CTNNA2: variants seen among roughly 807,000 people sequenced by gnomAD.
CTNNA2 encodes the protein catenin alpha 2.
In CTNNA2, 42 loss-of-function variants were observed where a neutral mutation model predicts 101.0. The observed-to-expected ratio is 0.42, with a 90% CI of 0.32 to 0.54. The LOEUF (loss-of-function observed/expected upper bound fraction) is 0.54. Among genes scored for constraint, CTNNA2 ranks in the 20% least tolerant of loss-of-function variants. The probability of loss-of-function intolerance (pLI) is 0.14; values close to 1 mark genes in which losing one functional copy is unlikely to be tolerated. For synonymous variants in CTNNA2, 450 were observed against 456.4 expected (o/e 0.99, Z 0.18); for missense variants, 871 against 1,223.1 (o/e 0.71, Z 4.29).
chr2:80,581,406 G>C (rs905352952), intron 13 of CTNNA2, among the ~76,000 whole-genome samples: 8 of 152,058 alleles, frequency 5.3e-5, no homozygotes, highest in Admixed American at 1.3e-4. Flanking sequence ...CAATAGATTT[G>C]GATGGGTGGA....
intron 16 of CTNNA2, among the ~76,000 whole-genome samples, chr2:80,606,402 A>C (rs1558638112): frequency 1.6e-5 from 2 of 121,802 alleles, no homozygotes; most frequent in East Asian, 2.5e-4. Context: ...ACACACACAC[A>C]CACACACACA....
At chr2:79,686,938 C>T (rs1183911991) in intron 2 of CTNNA2, among the ~76,000 whole-genome samples, 1 of 152,154 alleles carries the variant, frequency 6.6e-6, no homozygotes, top group Non-Finnish European at 1.5e-5. Context: ...AGAATGGTTG[C>T]ACCCAGTGGA....
At chr2:80,477,575 C>G (rs551704234) in intron 9 of CTNNA2, among the ~76,000 whole-genome samples, 60 of 152,186 alleles carry the variant, frequency 3.9e-4, no homozygotes, top group Non-Finnish European at 6.3e-4. Flanking sequence ...ATCCCCATAG[C>G]TCAGCTCCCA....
intron 3 of CTNNA2, among the ~76,000 whole-genome samples, chr2:79,335,031 C>A (rs1250020802): frequency 6.6e-6 from 1 of 152,154 alleles, no homozygotes; most frequent in Non-Finnish European, 1.5e-5. Context: ...CACACCCATT[C>A]AGGAATTAAT....
chr2:79,236,647 A>G (rs1450575510), intron 2 of CTNNA2, among the ~76,000 whole-genome samples: 2 of 152,228 alleles, frequency 1.3e-5, no homozygotes, highest in Non-Finnish European at 2.9e-5. Flanking sequence ...AAACCCTGAC[A>G]CTATTTTATC....
intron 9 of CTNNA2, among the ~76,000 whole-genome samples, chr2:80,517,068 C>T (rs2149564859): frequency 6.6e-6 from 1 of 152,220 alleles, no homozygotes; most frequent in South Asian, 2.1e-4. Context: ...CAACTTGGTG[C>T]TGCACAGAAA....
At chr2:79,768,941 A>G (rs112924349) in intron 3 of CTNNA2, among the ~76,000 whole-genome samples, 19,935 of 151,486 alleles carry the variant, frequency 0.13, 1,375 homozygotes, top group Admixed American at 0.18. Context: ...TGCAAGCTCC[A>G]CCTCCCGGGT....
chr2:79,187,672 A>G (rs905368433), intron 1 of CTNNA2, among the ~76,000 whole-genome samples: 7 of 152,206 alleles, frequency 4.6e-5, no homozygotes, highest in African/African-American at 1.7e-4. Context: ...CACCAGAATC[A>G]TTGTAGCAAA....
chr2:79,468,872 T>C (rs1212431723), intron 4 of CTNNA2, among the ~76,000 whole-genome samples: 2 of 152,146 alleles, frequency 1.3e-5, no homozygotes, highest in Non-Finnish European at 2.9e-5. Flanking sequence ...TGGGACGCAT[T>C]GAAAGCAGTG....
At chr2:80,029,489 T>G (rs1695147643) in intron 7 of CTNNA2, 1 of 152,130 alleles carries the variant, frequency 6.6e-6, no homozygotes, top group Non-Finnish European at 1.5e-5. Context: ...AAAGAGAACC[T>G]TAGGTCATTT....
At chr2:79,226,049 A>T (rs192940676) in intron 2 of CTNNA2, among the ~76,000 whole-genome samples, 9 of 152,186 alleles carry the variant, frequency 5.9e-5, no homozygotes, top group African/African-American at 2.2e-4. Context: ...CCAAAGTCTT[A>T]CTCATGTTTT....
rs148937966 is a variant in CTNNA2 at position 79,972,549 on chromosome 2, A to G, written c.1056+62752A>G. ...CAAGACAGGGAAAAGACACTCAAAC[A>G]CATGCACGTCTTTACGTCTAGGTGC... On this transcript the variant is annotated intron_variant, in intron 7 of 18. Coordinates refer to ENST00000402739, the MANE Select transcript of CTNNA2 (RefSeq NM_001282597.3). Among the ~76,000 whole-genome samples the G allele has an allele frequency of 2.2e-3, 341 of 152,320 alleles. 1 individual carries two copies. Among genetic ancestry groups the G allele is most frequent in the Non-Finnish European group, 2.6e-3 (179 of 68,026 alleles).
intron 9 of CTNNA2, among the ~76,000 whole-genome samples, chr2:80,469,423 C>T (rs1685113461): frequency 6.6e-6 from 1 of 152,150 alleles, no homozygotes; most frequent in South Asian, 2.1e-4. Flanking sequence ...CAGACTTTTC[C>T]AGCTGGGAAA....
chr2:80,160,872 A>G (rs1487593575), intron 7 of CTNNA2, among the ~76,000 whole-genome samples: 2 of 151,830 alleles, frequency 1.3e-5, no homozygotes, highest in East Asian at 3.9e-4. Flanking sequence ...ATCTTTCAGC[A>G]TTAACTATAA....
At chr2:79,680,394 G>A (rs924226691) in intron 2 of CTNNA2, among the ~76,000 whole-genome samples, 1 of 152,052 alleles carries the variant, frequency 6.6e-6, no homozygotes, top group Non-Finnish European at 1.5e-5. Flanking sequence ...GAGGGGAGGG[G>A]ACAGTCCCAC....
intron 3 of CTNNA2, among the ~76,000 whole-genome samples, chr2:79,803,787 G>A (rs1676353163): frequency 6.6e-6 from 1 of 152,228 alleles, no homozygotes. Context: ...TCTGCTGAGA[G>A]AAATTATCAG....
chr2:79,846,150 A>G (rs989152236), intron 3 of CTNNA2, among the ~76,000 whole-genome samples: 3 of 152,202 alleles, frequency 2.0e-5, no homozygotes, highest in Non-Finnish European at 2.9e-5. Context: ...ATCATTTACC[A>G]TGTTCATGAT....
intron 7 of CTNNA2, among the ~76,000 whole-genome samples, chr2:80,107,640 C>T (rs1210284105): frequency 1.3e-5 from 2 of 152,236 alleles, no homozygotes; most frequent in African/African-American, 2.4e-5. Flanking sequence ...GAGTGTGGTG[C>T]CCAACAAAGG....
At chr2:79,970,065 T>A (rs542946646) in intron 7 of CTNNA2, among the ~76,000 whole-genome samples, 1 of 152,270 alleles carries the variant, frequency 6.6e-6, no homozygotes, top group East Asian at 1.9e-4. Context: ...TTACAGTAAA[T>A]AGGTGCATAC....
Sources: allele counts gnomAD v4.1 joint callset (sites outside exome capture counted in the v4.1 genomes callset), GRCh38; gene constraint gnomAD v4.1.1; transcripts MANE v1.5; gene names NCBI Gene and HGNC (gene_info 2026-07-23, HGNC 2026-07-21).